TRPC4: variants seen among roughly 807,000 people sequenced by gnomAD.
TRPC4 encodes the protein short transient receptor potential channel 4.
Under a neutral mutation model 99.4 loss-of-function variants are expected in TRPC4, and 49 were observed. The ratio of observed to expected loss-of-function variants is 0.49; its 90% confidence interval spans 0.39 to 0.63. The LOEUF is 0.63. TRPC4 is among the 20% of genes least tolerant of loss of function. The pLI is 0.00. For missense variants in TRPC4, 898 were observed against 1,152.9 expected (o/e 0.78, Z 3.20); for synonymous variants, 454 against 425.9 (o/e 1.07, Z -0.81).
At chr13:37,714,407 G>A (rs1358107341) in intron 3 of TRPC4, among the ~76,000 whole-genome samples, 4 of 152,106 alleles carry the variant, frequency 2.6e-5, no homozygotes, top group African/African-American at 7.2e-5. Context: ...GATTACAGGC[G>A]TAAGCCACTG....
At chr13:37,869,463 A>C (rs2139757044) in intron 1 of TRPC4, 132 bp downstream of exon 1, 1 of 152,176 alleles carries the variant, frequency 6.6e-6, no homozygotes, top group Admixed American at 6.5e-5. Context: ...TGAACTCCTA[A>C]CCCCGCAGGG....
At chr13:37,813,716 A>C (rs113924269) in intron 1 of TRPC4, among the ~76,000 whole-genome samples, 2,824 of 151,966 alleles carry the variant, frequency 0.019, 47 homozygotes, top group Middle Eastern at 0.055. Flanking sequence ...AAAGAGATCA[A>C]ATTAGTAAAT....
Position 37,755,859 on chromosome 13 carries a change from A to C in TRPC4, c.379-9404T>G, listed in dbSNP as rs184347315. Among the ~76,000 whole-genome samples the C allele has an allele frequency of 1.8e-3, 277 of 152,266 alleles. 2 individuals are homozygous for C. The highest frequency in any genetic ancestry group is 2.6e-4 in the Non-Finnish European group (18 of 68,016). ...TTGATAGTAAAATAATAGAAACTTT[A>C]TGAAAAAGGTGTTTGTTTTTTCAAG... On this transcript the variant is annotated intron_variant, in intron 2 of 10. Transcript: ENST00000379705.
intron 1 of TRPC4, among the ~76,000 whole-genome samples, chr13:37,839,542 T>A (rs964332479): frequency 2.6e-5 from 4 of 152,194 alleles, no homozygotes; most frequent in Non-Finnish European, 5.9e-5. Flanking sequence ...CAATAATAAA[T>A]CATTAGATAT....
chr13:37,797,358 C>A lies in TRPC4; in HGVS notation c.-27-13998G>T, dbSNP rs547066157. Among the ~76,000 whole-genome samples the A allele has an allele frequency of 2.0e-5, 3 of 151,996 alleles. No individual in the cohort carries two copies. The South Asian group carries it at 6.2e-4, about 32-fold the overall frequency. The stretch of plus-strand genomic sequence containing the variant: ...TTATTCCTTTGCTCATATGACATGT[C>A]GCAATGATAAATAATTAAATATGGT... On this transcript the variant is annotated intron_variant, in intron 1 of 10. Transcript: ENST00000379705.
intron 3 of TRPC4, among the ~76,000 whole-genome samples, chr13:37,714,127 T>C (rs1954581942): frequency 2.0e-5 from 3 of 151,672 alleles, no homozygotes; most frequent in Admixed American, 2.0e-4. Context: ...TCTCTCTCTT[T>C]CCTTTCTTTT....
At chr13:37,869,522 T>A (rs1348399044) in intron 1 of TRPC4, 73 bp downstream of exon 1, 1 of 152,182 alleles carries the variant, frequency 6.6e-6, no homozygotes, top group Non-Finnish European at 1.5e-5. Flanking sequence ...CTTAGGAAAC[T>A]TAACCGAGAT....
chr13:37,749,356 A>G (rs184036971), intron 2 of TRPC4, among the ~76,000 whole-genome samples: 1 of 152,218 alleles, frequency 6.6e-6, no homozygotes, highest in East Asian at 1.9e-4. Context: ...GCTTACTCTT[A>G]CTCTAAAATG....
intron 1 of TRPC4, among the ~76,000 whole-genome samples, chr13:37,841,074 T>C (rs1280145726): frequency 2.6e-5 from 4 of 152,108 alleles, no homozygotes. Flanking sequence ...TTTGTAATAA[T>C]ATAAAATAAA....
chr13:37,637,186 A>G lies in TRPC4; in HGVS notation c.2651T>C (p.Ile884Thr), dbSNP rs760658714. Residue 884 changes from isoleucine (I) to threonine (T), a missense_variant, in exon 11 of 11, where the codon ATT becomes ACT. Physicochemically the swap from Ile to Thr is moderately conservative, Grantham distance 89. Coordinates refer to ENST00000379705, the MANE Select transcript of TRPC4 (RefSeq NM_016179.4). ...AGCTAATCCTCGAGATTCCAGTTGA[A>G]TATTTCTCTCAAGTGGTCCTGCAGC... ...QQAAGPLERN[I>T]QLESRGLASR... 6.2e-7 allele frequency: 1 copy of G among 1,613,714 alleles called. No individual in the cohort carries two copies. The highest frequency in any genetic ancestry group is 1.3e-5 in the African/African-American group (1 of 74,878).
chr13:37,792,723 TTGTG>T (rs57918365), intron 1 of TRPC4, among the ~76,000 whole-genome samples: 80,173 of 146,370 alleles, frequency 0.55, 23,647 homozygotes, highest in Non-Finnish European at 0.66. Flanking sequence ...GCTTCTAAAT[TTGTG>T]TGTGTGTGTG....
chr13:37,790,804 T>C (rs896922043), intron 1 of TRPC4, among the ~76,000 whole-genome samples: 6 of 152,140 alleles, frequency 3.9e-5, no homozygotes, highest in Non-Finnish European at 7.4e-5. Flanking sequence ...TTCTTTACCG[T>C]TGCAAGTTCT....
At chr13:37,697,333 T>G (rs1953939490) in intron 3 of TRPC4, among the ~76,000 whole-genome samples, 1 of 152,134 alleles carries the variant, frequency 6.6e-6, no homozygotes, top group African/African-American at 2.4e-5. Flanking sequence ...AAAAGAGGTA[T>G]AGGGTATATA....
At chr13:37,659,327 T>G (rs1952353607) in intron 6 of TRPC4, among the ~76,000 whole-genome samples, 1 of 152,146 alleles carries the variant, frequency 6.6e-6, no homozygotes, top group Non-Finnish European at 1.5e-5. Flanking sequence ...TCTTTCCCCC[T>G]GTGATGCCTG....
Position 37,655,068 on chromosome 13 carries a change from A to C in TRPC4, c.1884+20T>G. On this transcript the variant is annotated intron_variant, in intron 7 of 10. Transcript: ENST00000379705. ...CATTCTAGAGGAAACATTGAATTAA[A>C]ATAAAGCTGGTCAACTTACAGCAAT... 1 of 1,460,474 alleles carries C rather than the reference A, an allele frequency of 6.8e-7. No individual in the cohort carries two copies. The highest frequency in any genetic ancestry group is 2.6e-5 in the East Asian group (1 of 39,210). The allele number at this position is 1,460,474 out of a possible 1,614,324, so 90.5% of individuals were successfully genotyped here.
At chr13:37,796,968 A>G (rs9548053) in intron 1 of TRPC4, among the ~76,000 whole-genome samples, 7 of 115,124 alleles carry the variant, frequency 6.1e-5, no homozygotes, top group Middle Eastern at 4.5e-3. Context: ...ATAAAATAAA[A>G]TAAAGTAAAG....
chr13:37,713,512 G>T (rs1193342289), intron 3 of TRPC4, among the ~76,000 whole-genome samples: 1 of 152,034 alleles, frequency 6.6e-6, no homozygotes, highest in Admixed American at 6.6e-5. Flanking sequence ...CTCATTATCT[G>T]AATAACCAAC....
In TRPC4 at chr13:37,677,560, T is replaced by C. The variant is rs956410137; in HGVS notation, c.1235-3193A>G. On this transcript the variant is annotated intron_variant, in intron 4 of 10. Coordinates refer to ENST00000379705, the MANE Select transcript of TRPC4 (RefSeq NM_016179.4). Reference sequence around the variant, plus strand: ...AGAAGAAGCAATGTTACTAGGTATATAGAGGGATATAACATAAAGATAAAA... The same window carrying C: ...AGAAGAAGCAATGTTACTAGGTATACAGAGGGATATAACATAAAGATAAAA... 2.6e-5 allele frequency among the ~76,000 whole-genome samples: 4 copies of C among 152,090 alleles called. No homozygotes were observed. In the East Asian group the frequency reaches 7.7e-4, roughly 29 times the overall value.
intron 2 of TRPC4, among the ~76,000 whole-genome samples, chr13:37,768,556 T>C (rs1339813024): frequency 2.0e-5 from 3 of 151,390 alleles, no homozygotes; most frequent in Non-Finnish European, 4.4e-5. Context: ...CTCAAGTGTT[T>C]AGAGTCAAGA....
Sources: allele counts gnomAD v4.1 joint callset (sites outside exome capture counted in the v4.1 genomes callset), GRCh38; gene constraint gnomAD v4.1.1; transcripts MANE v1.5; gene names NCBI Gene and HGNC (gene_info 2026-07-23, HGNC 2026-07-21).